ARHGEF12: variants seen among roughly 807,000 people sequenced by gnomAD.
ARHGEF12 encodes the protein Rho guanine nucleotide exchange factor 12, also known as KMT2A/ARHGEF12 fusion protein.
Under a neutral mutation model 211.2 loss-of-function variants are expected in ARHGEF12, and 66 were observed. The ratio of observed to expected loss-of-function variants is 0.31; its 90% confidence interval spans 0.26 to 0.38. ARHGEF12 has a LOEUF of 0.38. ARHGEF12 is among the 10% of genes least tolerant of loss of function. The pLI is 1.00. For synonymous variants in ARHGEF12, 592 were observed against 638.4 expected (o/e 0.93, Z 1.09); for missense variants, 1,429 against 1,869.5 (o/e 0.76, Z 4.34).
chr11:120,429,039 A>C (rs1490237519), intron 8 of ARHGEF12, among the ~76,000 whole-genome samples: 1 of 152,182 alleles, frequency 6.6e-6, no homozygotes, highest in Non-Finnish European at 1.5e-5. Context: ...GTTGTGAAAC[A>C]AGGAGGGATG....
At chr11:120,337,522 T>C in intron 1 of ARHGEF12, 1 of 985,394 alleles carries the variant, frequency 1.0e-6, no homozygotes, top group Non-Finnish European at 1.2e-6. Context: ...AAACCATGAT[T>C]GTGGTTTTCC....
intron 4 of ARHGEF12, chr11:120,411,818 GAAA>G (rs1255525057): frequency 1.5e-5 from 2 of 136,196 alleles, no homozygotes; most frequent in Non-Finnish European, 1.6e-5. Context: ...TTTGCCAGGG[GAAA>G]AAAAAAAAAG....
rs1946467774 is a variant in ARHGEF12, at chr11:120,459,695, C to T, written c.2527+375C>T. 2.0e-5 allele frequency among the ~76,000 whole-genome samples: 3 copies of T among 151,800 alleles called. No individual in the cohort carries two copies. The South Asian group carries it at 6.2e-4, about 31-fold the overall frequency. Reference sequence around the variant, plus strand: ...GTGTATGGTATATAATCACATGGTTCGGTAATTTTTAGGAATTGTTTTTAT... The same window carrying T: ...GTGTATGGTATATAATCACATGGTTTGGTAATTTTTAGGAATTGTTTTTAT... On this transcript the variant is annotated intron_variant, in intron 26 of 40. Transcript: ENST00000397843.
chr11:120,352,039 A>G (rs1333083935), intron 1 of ARHGEF12, among the ~76,000 whole-genome samples: 1 of 151,930 alleles, frequency 6.6e-6, no homozygotes, highest in East Asian at 1.9e-4. Context: ...AATCAATTGG[A>G]TGAAACCCAG....
rs1445795916 is a variant in ARHGEF12 at position 120,424,340 on chromosome 11, A to G, written c.349-18A>G. The stretch of plus-strand genomic sequence containing the variant: ...CAATAGAATGTATCTGACATACACT[A>G]CTTTCGTTTTCTTACAGGTGAATGG... On this transcript the variant is annotated intron_variant, in intron 6 of 40. Coordinates refer to ENST00000397843, the MANE Select transcript of ARHGEF12 (RefSeq NM_015313.3). 1 of 1,602,752 alleles carries G rather than the reference A, an allele frequency of 6.2e-7. No individual in the cohort carries two copies. The highest frequency in any genetic ancestry group is 1.3e-5 in the African/African-American group (1 of 74,750).
chr11:120,341,083 T>G (rs1250693804), intron 1 of ARHGEF12, among the ~76,000 whole-genome samples: 2 of 152,200 alleles, frequency 1.3e-5, no homozygotes, highest in Non-Finnish European at 2.9e-5. Context: ...TTTTCTTTTT[T>G]GAGTCTTGCT....
At chr11:120,442,233 G>A in intron 15 of ARHGEF12, 31 bp downstream of exon 15, 3 of 1,523,684 alleles carry the variant, frequency 2.0e-6, no homozygotes, top group East Asian at 2.3e-5. Flanking sequence ...TGTAATCTTT[G>A]CCTTAGTACA....
At chr11:120,351,004 G>A (rs1005325408) in intron 1 of ARHGEF12, among the ~76,000 whole-genome samples, 4 of 152,098 alleles carry the variant, frequency 2.6e-5, no homozygotes, top group Admixed American at 2.0e-4. Context: ...TAATATTTTA[G>A]ACTTTGAAAG....
chr11:120,447,925 T>C lies in ARHGEF12; in HGVS notation c.1622+19T>C. 6.5e-7 allele frequency: 1 copy of C among 1,549,036 alleles called. No homozygotes were observed. Among genetic ancestry groups the C allele is most frequent in the Middle Eastern group, 2.1e-4 (1 of 4,874 alleles). On this transcript the variant is annotated intron_variant, in intron 19 of 40. Coordinates refer to ENST00000397843, the MANE Select transcript of ARHGEF12 (RefSeq NM_015313.3). ...ATAAGAGGTAACATAACTGTTTTTT[T>C]TCCCCTAGAATTTTAAGAAAAAAAG...
intron 39 of ARHGEF12, 22 bp downstream of exon 39, chr11:120,481,598 A>G (rs1228329876): frequency 1.9e-6 from 3 of 1,605,520 alleles, no homozygotes; most frequent in Non-Finnish European, 1.7e-6. Context: ...TTCCACATCC[A>G]TAGGACTTGG....
At chr11:120,423,470 T>G (rs1356500920) in intron 6 of ARHGEF12, among the ~76,000 whole-genome samples, 1 of 152,178 alleles carries the variant, frequency 6.6e-6, no homozygotes, top group Non-Finnish European at 1.5e-5. Context: ...CTGGCTTTAT[T>G]ACATAACTGT....
rs1417743815 is a variant in ARHGEF12 at position 120,481,286 on chromosome 11, G to T, written c.4264G>T (p.Asp1422Tyr). Residue 1422 changes from aspartate (D) to tyrosine (Y), a missense_variant, in exon 39 of 41, where the codon GAC (aspartate) becomes TAC (tyrosine). This residue lies in a region of ARHGEF12 where 467 missense variants were observed against 468.4 expected (regional missense o/e 1.00). Transcript: ENST00000397843. ...AAACTATTTGATCCTTGATGGCTAT[G>T]ACCCAGTGCAGGAGAGTTCCACAGA... ...SGNYLILDGYDPVQESSTDEE... is the reference protein window; with the variant it reads ...SGNYLILDGYYPVQESSTDEE... 1 of 1,614,074 alleles carries T rather than the reference G, an allele frequency of 6.2e-7. No individual in the cohort carries two copies. The highest frequency in any genetic ancestry group is 1.7e-5 in the Admixed American group (1 of 60,026).
intron 1 of ARHGEF12, among the ~76,000 whole-genome samples, chr11:120,395,255 G>C (rs1250110489): frequency 6.6e-6 from 1 of 152,010 alleles, no homozygotes; most frequent in Non-Finnish European, 1.5e-5. Flanking sequence ...ATGTATGTGT[G>C]TGTAATGACC....
intron 17 of ARHGEF12, 58 bp from the exon 18 acceptor site, chr11:120,446,890 C>G: frequency 1.1e-5 from 18 of 1,572,258 alleles, no homozygotes; most frequent in Non-Finnish European, 1.5e-5. Context: ...ATGAAGCGTC[C>G]CCAGAATGAG....
chr11:120,466,308 A>G (rs1320982861), intron 28 of ARHGEF12, among the ~76,000 whole-genome samples: 1 of 152,248 alleles, frequency 6.6e-6, no homozygotes, highest in Admixed American at 6.5e-5. Flanking sequence ...GCTATTGGCT[A>G]GGAACCAGTT....
rs777362686 is a variant in ARHGEF12, at chr11:120,440,247, A to AG, written c.1092+26_1092+27insG. On this transcript the variant is annotated intron_variant, in intron 13 of 40. Coordinates refer to ENST00000397843, the MANE Select transcript of ARHGEF12 (RefSeq NM_015313.3). ...GTGATGACTTTTTTCTTTCTAAAAA[A>AG]TAGATTGTTACTTTCTGCAATATCT... 5 of 1,560,346 alleles carry AG rather than the reference A, an allele frequency of 3.2e-6. No individual in the cohort carries two copies. The South Asian group carries it at 4.6e-5, about 14-fold the overall frequency.
chr11:120,358,893 G>A (rs1254130159), intron 1 of ARHGEF12, among the ~76,000 whole-genome samples: 1 of 152,190 alleles, frequency 6.6e-6, no homozygotes, highest in Non-Finnish European at 1.5e-5. Flanking sequence ...GCAACTAGAA[G>A]CAAGGGCTTC....
At chr11:120,339,450 T>C (rs991249679) in intron 1 of ARHGEF12, among the ~76,000 whole-genome samples, 2 of 152,178 alleles carry the variant, frequency 1.3e-5, no homozygotes, top group African/African-American at 4.8e-5. Flanking sequence ...TCATCCTTTT[T>C]TCGTAGTGTC....
chr11:120,453,276 G>A (rs1946266014), intron 22 of ARHGEF12, among the ~76,000 whole-genome samples: 1 of 152,160 alleles, frequency 6.6e-6, no homozygotes, highest in African/African-American at 2.4e-5. Context: ...TATATGCACT[G>A]ATATTTCATG....
Sources: allele counts gnomAD v4.1 joint callset (sites outside exome capture counted in the v4.1 genomes callset), GRCh38; gene constraint gnomAD v4.1.1; regional missense constraint gnomAD v4.1.1; transcripts MANE v1.5; gene names NCBI Gene and HGNC (gene_info 2026-07-23, HGNC 2026-07-21).